The following DDX19B variants were observed in gnomAD, a reference collection of about 807,000 sequenced individuals.
DDX19B encodes ATP-dependent RNA helicase DDX19B.
A neutral mutation model predicts 58.1 loss-of-function variants in DDX19B; 27 were observed. The observed-to-expected ratio is 0.46, with a 90% CI of 0.34 to 0.64. The LOEUF is 0.64. Among genes scored for constraint, DDX19B ranks in the 30% least tolerant of loss-of-function variants. DDX19B has a pLI of 0.01. For synonymous variants in DDX19B, 187 were observed against 214.4 expected, an observed-to-expected ratio of 0.87 and a Z score of 1.12; for missense variants, 399 against 596.5, an observed-to-expected ratio of 0.67 and a Z score of 3.45.
chr16:70,289,960 C>T, upstream of DDX19B: 1 of 325,904 alleles, frequency 3.1e-6, no homozygotes, highest in East Asian at 8.1e-5. Flanking sequence ...TACACTTGTC[C>T]GGGGGAGACC....
At chr16:70,302,938 G>T (rs1192381588) in intron 1 of DDX19B, among the ~76,000 whole-genome samples, 1 of 152,036 alleles carries the variant, frequency 6.6e-6, no homozygotes, top group Admixed American at 6.6e-5. Context: ...GGTACATGCT[G>T]GTGTCTCATT....
At chr16:70,305,535 A>G (rs571008482) in intron 1 of DDX19B, among the ~76,000 whole-genome samples, 1 of 152,300 alleles carries the variant, frequency 6.6e-6, no homozygotes, top group South Asian at 2.1e-4. Context: ...TATTAAATAT[A>G]TTATGTACAT....
At chr16:70,314,157 C>T (rs574711724) in intron 2 of DDX19B, among the ~76,000 whole-genome samples, 2 of 152,098 alleles carry the variant, frequency 1.3e-5, no homozygotes, top group South Asian at 4.2e-4. Context: ...GTTGGTCTTA[C>T]TGCTCATTTG....
chr16:70,294,747 A>G (rs1346265551), upstream of DDX19B: 10 of 1,011,774 alleles, frequency 9.9e-6, no homozygotes, highest in Non-Finnish European at 1.4e-5. Context: ...CCCTCAGCTG[A>G]TTGGCTGACA....
chr16:70,307,292 G>T (rs1351089835), intron 1 of DDX19B, among the ~76,000 whole-genome samples: 1 of 152,154 alleles, frequency 6.6e-6, no homozygotes, highest in Non-Finnish European at 1.5e-5. Context: ...GAAAGTGCCA[G>T]GATGTTTTCC....
At chr16:70,328,813 G>T (rs1172539298) in intron 7 of DDX19B, among the ~76,000 whole-genome samples, 1 of 152,006 alleles carries the variant, frequency 6.6e-6, no homozygotes, top group Non-Finnish European at 1.5e-5. Flanking sequence ...AAATGCTATA[G>T]TGATATCCTA....
At chr16:70,304,372 CTTTTTTTTT>C (rs1055145154) in intron 1 of DDX19B, among the ~76,000 whole-genome samples, 1 of 128,908 alleles carries the variant, frequency 7.8e-6, no homozygotes, top group African/African-American at 2.9e-5. Context: ...ACAGAGATGT[CTTTTTTTTT>C]TTTTTTTTGA....
At chr16:70,310,218 TA>T (rs1005791801) in intron 1 of DDX19B, among the ~76,000 whole-genome samples, 8 of 151,974 alleles carry the variant, frequency 5.3e-5, no homozygotes, top group African/African-American at 1.9e-4. Flanking sequence ...CTGTCTCTAT[TA>T]AAAATACAAA....
chr16:70,321,785 G>A (rs1388481756), intron 5 of DDX19B, among the ~76,000 whole-genome samples: 3 of 152,080 alleles, frequency 2.0e-5, no homozygotes, highest in Non-Finnish European at 4.4e-5. Flanking sequence ...TGTAATCCCA[G>A]CCCTTTGGGA....
chr16:70,315,797 A>C, intron 3 of DDX19B, 172 bp from the exon 4 acceptor site: 1 of 930,756 alleles, frequency 1.1e-6, no homozygotes, highest in Non-Finnish European at 1.5e-6. Context: ...GATGTATCAT[A>C]ACTTTTTTCT....
intron 1 of DDX19B, among the ~76,000 whole-genome samples, chr16:70,307,715 G>GTA (rs1164992752): frequency 6.7e-6 from 1 of 150,072 alleles, no homozygotes; most frequent in South Asian, 2.1e-4. Context: ...GTGTGTGTGT[G>GTA]TATATATGTG....
chr16:70,290,080 G>A (rs1961019986), upstream of DDX19B: 2 of 285,218 alleles, frequency 7.0e-6, no homozygotes, highest in South Asian at 5.8e-5. Context: ...TAGGCCTGGG[G>A]GAGGAGGGTG....
At chr16:70,300,380 A>AT (rs1222248544) in intron 1 of DDX19B, among the ~76,000 whole-genome samples, 2 of 150,054 alleles carry the variant, frequency 1.3e-5, no homozygotes, top group African/African-American at 2.5e-5. Context: ...TACTTTTTGT[A>AT]TTTTTTTTGT....
chr16:70,302,461 C>G (rs1597464177), intron 1 of DDX19B, among the ~76,000 whole-genome samples: 1 of 152,170 alleles, frequency 6.6e-6, no homozygotes, highest in East Asian at 1.9e-4. Context: ...TTTGCCTTTT[C>G]CAACATGTCA....
rs1567620918 is a variant in DDX19B at position 70,299,359 on chromosome 16, G to GT, written c.57+7dup. ...CAGGAAGCTGCGGCTGAGTCGGTGAGTTGGCTTCAGCCCTAAAAGGGTCAG... is the reference window on the plus strand; with the variant it reads ...CAGGAAGCTGCGGCTGAGTCGGTGAGTTTGGCTTCAGCCCTAAAAGGGTCAG... On this transcript the variant is annotated splice_donor_region_variant and intron_variant, in intron 1 of 11. Transcript: ENST00000288071. The GT allele has an allele frequency of 6.2e-7, 1 of 1,606,384 alleles. No individual in the cohort carries two copies.
At chr16:70,315,817 C>T in intron 3 of DDX19B, 152 bp from the exon 4 acceptor site, 2 of 1,101,094 alleles carry the variant, frequency 1.8e-6, no homozygotes, top group Non-Finnish European at 2.5e-6. Flanking sequence ...TTTAATAAAA[C>T]TATTTTAATT....
intron 6 of DDX19B, among the ~76,000 whole-genome samples, chr16:70,325,352 G>T (rs1963086160): frequency 6.6e-6 from 1 of 152,234 alleles, no homozygotes; most frequent in Admixed American, 6.5e-5. Flanking sequence ...TTGTATTGCA[G>T]TGGCCAGTAT....
At chr16:70,325,968 A>G (rs1322870206) in intron 7 of DDX19B, among the ~76,000 whole-genome samples, 2 of 152,214 alleles carry the variant, frequency 1.3e-5, no homozygotes, top group African/African-American at 2.4e-5. Context: ...ATTTCCTAGA[A>G]TAACTAATAC....
At chr16:70,316,548 G>A (rs1962424910) in intron 4 of DDX19B, among the ~76,000 whole-genome samples, 1 of 152,172 alleles carries the variant, frequency 6.6e-6, no homozygotes, top group African/African-American at 2.4e-5. Flanking sequence ...GGGTGCCGTA[G>A]TGCACACCTG....
Sources: gnomAD v4.1 joint callset for allele counts (sites outside exome capture counted in the v4.1 genomes callset) on GRCh38, gnomAD v4.1.1 for gene constraint, MANE v1.5 for transcripts, NCBI Gene and HGNC (gene_info 2026-07-23, HGNC 2026-07-21) for gene names.